Variants in LAMB4 observed in about 807,000 individuals in gnomAD.
LAMB4 encodes the protein laminin subunit beta-4.
LAMB4 carries 196 observed loss-of-function variants against 199.2 expected under a neutral mutation model. The ratio of observed to expected loss-of-function variants is 0.98; its 90% CI spans 0.88 to 1.11. The LOEUF (loss-of-function observed/expected upper bound fraction) is 1.11, where lower values mean the gene tolerates loss of function less well. Ranked by LOEUF, LAMB4 falls within the 50% of genes least tolerant of loss-of-function variation. The probability of loss-of-function intolerance (pLI) is 0.00; values close to 1 mark genes in which losing one functional copy is unlikely to be tolerated. For synonymous variants in LAMB4, 744 were observed against 770.6 expected, an observed-to-expected ratio of 0.97 and a Z score of 0.57; for missense variants, 2,080 against 2,171.2, an observed-to-expected ratio of 0.96 and a Z score of 0.83.
rs1454621208 is a variant in LAMB4, at chr7:108,049,548, T to C, written c.3917-17A>G. The C allele has an allele frequency of 5.5e-6, 8 of 1,443,304 alleles. No individual in the cohort carries two copies. The South Asian group carries it at 1.0e-4, about 18-fold the overall frequency. The allele number at this position is 1,443,304 out of a possible 1,614,324, so 89.4% of individuals were successfully genotyped here. A position where few individuals can be genotyped will look rare whatever the true frequency, so the allele number is the denominator to read the frequency against. ...CTGAGGAGTCTACGTCAATGCAAAT[T>C]GAAGTAAGGTAAATTTTGTGAAAAC... On this transcript the variant is annotated splice_polypyrimidine_tract_variant and intron_variant, in intron 26 of 33. Transcript: ENST00000388781.
At position 108,054,034 on chromosome 7, in the gene LAMB4, G is replaced by A. The variant is rs532931024; in HGVS notation, c.3755+1598C>T. The stretch of plus-strand genomic sequence containing the variant: ...AACGCAGAAGTTGTATTGCTTTTTT[G>A]TTTTTAGAGACAGGGTCTCATTCTA... On this transcript the variant is annotated intron_variant, in intron 25 of 33. Transcript: ENST00000388781. Among the ~76,000 whole-genome samples the A allele has an allele frequency of 3.3e-4, 51 of 152,258 alleles. 1 individual carries two copies. In the South Asian group the frequency reaches 9.7e-3, roughly 29 times the overall value.
intron 14 of LAMB4, among the ~76,000 whole-genome samples, chr7:108,080,496 A>G (rs964875152): frequency 2.0e-5 from 3 of 152,088 alleles, no homozygotes; most frequent in African/African-American, 7.2e-5. Context: ...CTGGTCCAAT[A>G]TATATCATGT....
chr7:108,096,540 T>C (rs145250058), intron 11 of LAMB4, among the ~76,000 whole-genome samples: 59 of 152,236 alleles, frequency 3.9e-4, no homozygotes, highest in African/African-American at 1.2e-3. Context: ...TGTGGGGGGA[T>C]GAAAATGATT....
intron 17 of LAMB4, among the ~76,000 whole-genome samples, chr7:108,072,270 G>A (rs1205431040): frequency 6.6e-6 from 1 of 152,124 alleles, no homozygotes; most frequent in Non-Finnish European, 1.5e-5. Context: ...CTCCATGAAA[G>A]CAGTGATTCT....
In LAMB4 at chr7:108,062,853, T is replaced by C. The variant is rs776046807; in HGVS notation, c.3203A>G (p.Tyr1068Cys). Residue 1068 changes from tyrosine (Y) to cysteine (C), a missense_variant, in exon 23 of 34, where the codon TAC becomes TGC. Coordinates refer to ENST00000388781, the MANE Select transcript of LAMB4 (RefSeq NM_007356.3). Reference protein sequence around the residue: ...GLACDRCADGYWNLVPGRGCQ... With the variant: ...GLACDRCADGCWNLVPGRGCQ... Reference sequence around the variant, plus strand: ...TCCTCTGCCAGGGACCAGATTCCAGTATCCATCAGCACAACGGTCACAGGC... The same window carrying C: ...TCCTCTGCCAGGGACCAGATTCCAGCATCCATCAGCACAACGGTCACAGGC... The C allele has an allele frequency of 1.7e-5, 27 of 1,581,818 alleles. No homozygotes were observed. The highest frequency in any genetic ancestry group is 2.3e-5 in the East Asian group (1 of 43,210).
At chr7:108,044,955 CAAAA>C (rs756256335) in intron 28 of LAMB4, among the ~76,000 whole-genome samples, 2 of 56,574 alleles carry the variant, frequency 3.5e-5, no homozygotes, top group Non-Finnish European at 6.7e-5. Flanking sequence ...ATTCTTGTCT[CAAAA>C]AAAAAAAAAA....
intron 16 of LAMB4, among the ~76,000 whole-genome samples, chr7:108,077,554 C>A (rs1010066478): frequency 4.6e-5 from 7 of 152,056 alleles, no homozygotes; most frequent in Non-Finnish European, 7.4e-5. Context: ...GTTAGCCAGG[C>A]GTGGTGGAAT....
downstream of LAMB4, among the ~76,000 whole-genome samples, chr7:108,021,914 C>A (rs2034702663): frequency 6.6e-6 from 1 of 152,098 alleles, no homozygotes; most frequent in Admixed American, 6.5e-5. Flanking sequence ...AATAGATATT[C>A]TCTCTATTTA....
chr7:108,078,294 T>C lies in LAMB4; in HGVS notation c.1910A>G (p.Gln637Arg). 6.2e-7 allele frequency: 1 copy of C among 1,607,584 alleles called. No homozygotes were observed. The highest frequency in any genetic ancestry group is 8.5e-7 in the Non-Finnish European group (1 of 1,176,622). ...ETQSAADWTVQIVVNPPGGSE... is the reference protein window; with the variant it reads ...ETQSAADWTVRIVVNPPGGSE... Reference sequence around the variant, plus strand: ...CCCTCCAGGGGGGTTCACCACAATCTGGACAGTCCAGTCAGCTGCAGACTA... The same window carrying C: ...CCCTCCAGGGGGGTTCACCACAATCCGGACAGTCCAGTCAGCTGCAGACTA... Residue 637 changes from glutamine (Q) to arginine (R), a missense_variant, in exon 16 of 34, where the codon CAG (glutamine) becomes CGG (arginine). Gln to Arg is a conservative substitution (Grantham distance 43, BLOSUM62 1). Coordinates refer to ENST00000388781, the MANE Select transcript of LAMB4 (RefSeq NM_007356.3).
Position 108,091,385 on chromosome 7 carries a change from C to T in LAMB4, c.1701+241G>A, listed in dbSNP as rs189114123. ...AAGTCTGTTTCATCATAATTTGATCCGTTCACATTTATGGGCCAGATCCTG... is the reference window on the plus strand; with the variant it reads ...AAGTCTGTTTCATCATAATTTGATCTGTTCACATTTATGGGCCAGATCCTG... On this transcript the variant is annotated intron_variant, in intron 14 of 33. Transcript: ENST00000388781. 8.3e-4 allele frequency among the ~76,000 whole-genome samples: 127 copies of T among 152,170 alleles called. 1 individual carries two copies. Among genetic ancestry groups the T allele is most frequent in the African/African-American group, 2.9e-3 (119 of 41,508 alleles).
intron 30 of LAMB4, among the ~76,000 whole-genome samples, chr7:108,036,773 C>T (rs754028623): frequency 1.3e-4 from 20 of 152,086 alleles, no homozygotes; most frequent in Non-Finnish European, 2.5e-4. Flanking sequence ...AGTTAGTTAA[C>T]TCTGTATACC....
rs1188797256 is a variant in LAMB4 at position 108,103,237 on chromosome 7, AAGG to A, written c.992-8_992-6del. 3 of 1,546,480 alleles carry A rather than the reference AAGG, an allele frequency of 1.9e-6. No homozygotes were observed. The highest frequency in any genetic ancestry group is 2.0e-5 in the Admixed American group (1 of 51,052). ...AGTGGCTATTACAGCTGCACGCTGA[AAGG>A]AGAAGACAGTGACTGAGAGGTAGAC... On this transcript the variant is annotated splice_region_variant and splice_polypyrimidine_tract_variant and intron_variant, in intron 9 of 33. Coordinates refer to ENST00000388781, the MANE Select transcript of LAMB4 (RefSeq NM_007356.3).
chr7:108,043,545 G>GCTTTTTTT (rs2035496600), intron 29 of LAMB4, among the ~76,000 whole-genome samples: 1 of 56,002 alleles, frequency 1.8e-5, no homozygotes, highest in African/African-American at 1.5e-4. Flanking sequence ...TGGCTATGAT[G>GCTTTTTTT]TTTTTTTTTT....
At chr7:108,079,566 C>G (rs1201237064) in intron 15 of LAMB4, 35 bp downstream of exon 15, 8 of 1,525,684 alleles carry the variant, frequency 5.2e-6, no homozygotes, top group Non-Finnish European at 7.1e-6. Flanking sequence ...TTTCTGTCAG[C>G]TTTTCACCAC....
intron 17 of LAMB4, among the ~76,000 whole-genome samples, chr7:108,071,354 T>C (rs1109111): frequency 0.11 from 16,011 of 152,056 alleles, 1,029 homozygotes; most frequent in African/African-American, 0.19. Context: ...AGCACCCCCC[T>C]AACTCCACAC....
intron 3 of LAMB4, among the ~76,000 whole-genome samples, chr7:108,112,284 G>C (rs2038255239): frequency 6.6e-6 from 1 of 151,644 alleles, no homozygotes; most frequent in Non-Finnish European, 1.5e-5. Context: ...CTCTTAGAAG[G>C]TCTTAGTGAA....
intron 19 of LAMB4, among the ~76,000 whole-genome samples, chr7:108,067,277 T>A (rs1330839190): frequency 6.6e-6 from 1 of 152,210 alleles, no homozygotes; most frequent in Non-Finnish European, 1.5e-5. Flanking sequence ...GCCCAAGCAA[T>A]GCCCAGGAAG....
chr7:108,026,419 C>T (rs1732159), intron 33 of LAMB4: 30,623 of 153,914 alleles, frequency 0.2, 7,152 homozygotes, highest in African/African-American at 0.58. Flanking sequence ...CCCAGGGTAA[C>T]AGACCACGTA....
At chr7:108,034,671 G>C (rs1476208415) in intron 30 of LAMB4, among the ~76,000 whole-genome samples, 3 of 152,114 alleles carry the variant, frequency 2.0e-5, no homozygotes, top group Non-Finnish European at 1.5e-5. Context: ...CAGTTTCCCT[G>C]ATGTCTCAAA....
Sources: allele counts gnomAD v4.1 joint callset (sites outside exome capture counted in the v4.1 genomes callset), GRCh38; gene constraint gnomAD v4.1.1; transcripts MANE v1.5; gene names NCBI Gene and HGNC (gene_info 2026-07-23, HGNC 2026-07-21).